TXNRD1: variants seen among roughly 807,000 people sequenced by gnomAD.
TXNRD1 encodes the protein thioredoxin reductase 1.
TXNRD1 carries 57 observed loss-of-function variants against 80.3 expected under a neutral mutation model. The observed-to-expected ratio is 0.71, with a 90% CI of 0.57 to 0.89. The LOEUF is 0.89. Among genes scored for constraint, TXNRD1 ranks in the 40% least tolerant of loss-of-function variants. The probability of loss-of-function intolerance (pLI) is 0.00; values close to 1 mark genes in which losing one functional copy is unlikely to be tolerated. For synonymous variants in TXNRD1, 291 were observed against 285.2 expected, an observed-to-expected ratio of 1.02 and a Z score of -0.20; for missense variants, 730 against 803.0, an observed-to-expected ratio of 0.91 and a Z score of 1.10.
chr12:104,259,555 G>A (rs1372656266), intron 3 of TXNRD1, among the ~76,000 whole-genome samples: 1 of 147,252 alleles, frequency 6.8e-6, no homozygotes, highest in African/African-American at 2.5e-5. Context: ...GCAATGGTGC[G>A]ATCTCAGCTC....
Position 104,348,149 on chromosome 12 carries a change from T to G in TXNRD1, c.1882-204T>G, listed in dbSNP as rs184237213. On this transcript the variant is annotated intron_variant, in intron 16 of 16. Transcript: ENST00000525566. The stretch of plus-strand genomic sequence containing the variant: ...CAGTAGATATAACCTAAATTTTTTT[T>G]CTCTTTCATCTTGGTTTTAAAATGT... 1.9e-3 allele frequency among the ~76,000 whole-genome samples: 293 copies of G among 152,328 alleles called. 1 individual carries two copies. In the Middle Eastern group the frequency reaches 0.027, roughly 14 times the overall value.
At chr12:104,236,108 C>T (rs534400315) in intron 1 of TXNRD1, among the ~76,000 whole-genome samples, 1 of 152,248 alleles carries the variant, frequency 6.6e-6, no homozygotes, top group African/African-American at 2.4e-5. Context: ...TGGTCTGTTC[C>T]CAGGCAAGAG....
intron 4 of TXNRD1, chr12:104,291,112 G>A (rs1263697666): frequency 1.6e-6 from 1 of 635,666 alleles, no homozygotes; most frequent in Non-Finnish European, 2.8e-6. Flanking sequence ...GAGGTATAGT[G>A]CCATGAATGA....
At chr12:104,294,340 C>T (rs2034362094) in intron 4 of TXNRD1, among the ~76,000 whole-genome samples, 1 of 151,386 alleles carries the variant, frequency 6.6e-6, no homozygotes, top group Non-Finnish European at 1.5e-5. Flanking sequence ...GGGCGTCTTC[C>T]CAGATGCTGG....
intron 1 of TXNRD1, among the ~76,000 whole-genome samples, chr12:104,217,871 A>T (rs957764413): frequency 6.6e-6 from 1 of 152,056 alleles, no homozygotes; most frequent in Admixed American, 6.6e-5. Context: ...TTCACTTAGC[A>T]TACTTGTCTT....
At chr12:104,248,972 G>A (rs567135413) in intron 1 of TXNRD1, among the ~76,000 whole-genome samples, 1 of 152,090 alleles carries the variant, frequency 6.6e-6, no homozygotes. Flanking sequence ...ATGAGCCACC[G>A]CCCCGGGCCC....
At chr12:104,306,916 T>G (rs1369211464) in intron 4 of TXNRD1, among the ~76,000 whole-genome samples, 1 of 152,224 alleles carries the variant, frequency 6.6e-6, no homozygotes, top group African/African-American at 2.4e-5. Context: ...TTACTGACAT[T>G]CAGTTGCTCT....
intron 1 of TXNRD1, among the ~76,000 whole-genome samples, chr12:104,224,539 C>G (rs1291784468): frequency 6.6e-6 from 1 of 152,052 alleles, no homozygotes; most frequent in African/African-American, 2.4e-5. Context: ...CAGGTGGCCA[C>G]CACACCCAGC....
intron 3 of TXNRD1, among the ~76,000 whole-genome samples, chr12:104,273,759 A>G (rs1352262107): frequency 6.6e-6 from 1 of 152,254 alleles, no homozygotes; most frequent in African/African-American, 2.4e-5. Context: ...TGGTGAAGAA[A>G]GAGGAAGAGG....
chr12:104,304,135 C>T (rs759092387), intron 4 of TXNRD1: 12 of 1,614,062 alleles, frequency 7.4e-6, no homozygotes, highest in Admixed American at 1.7e-5. Flanking sequence ...ACTCCTTAAC[C>T]GAGGCTCTGG....
chr12:104,316,009 TG>T, intron 7 of TXNRD1, 113 bp downstream of exon 7: 2 of 1,228,180 alleles, frequency 1.6e-6, no homozygotes, highest in Non-Finnish European at 2.2e-6. Flanking sequence ...TTGTTTTTAT[TG>T]TTTACATTTT....
In TXNRD1 at chr12:104,246,823, A is replaced by T. The variant is rs566745907; in HGVS notation, c.92-4704A>T. On this transcript the variant is annotated intron_variant, in intron 1 of 16. Transcript: ENST00000525566. ...GGTGTGAGCCACTGTACCCGGCCAC[A>T]TGATGGCTTTTTAAAAATCATAAAT... Among the ~76,000 whole-genome samples, 29 of 151,898 alleles carry T rather than the reference A, an allele frequency of 1.9e-4. No homozygotes were observed. The South Asian group carries it at 5.8e-3, about 31-fold the overall frequency.
chr12:104,267,496 G>A (rs1393744619), intron 3 of TXNRD1, among the ~76,000 whole-genome samples: 1 of 151,442 alleles, frequency 6.6e-6, no homozygotes, highest in African/African-American at 2.4e-5. Context: ...TGCCCAGCCT[G>A]CCTTACTTCT....
intron 16 of TXNRD1, among the ~76,000 whole-genome samples, chr12:104,341,063 C>T (rs952832209): frequency 4.6e-5 from 7 of 152,108 alleles, no homozygotes; most frequent in African/African-American, 7.2e-5. Context: ...CCAGCAGCAG[C>T]GTACATGGCA....
In TXNRD1 at chr12:104,311,423, T is replaced by TTGTGTTG; in HGVS notation, c.537+13_537+19dup. The TTGTGTTG allele has an allele frequency of 1.2e-6, 2 of 1,611,644 alleles. No individual in the cohort carries two copies. The highest frequency in any genetic ancestry group is 1.7e-6 in the Non-Finnish European group (2 of 1,178,616). On this transcript the variant is annotated intron_variant, in intron 5 of 16. Coordinates refer to ENST00000525566, the MANE Select transcript of TXNRD1 (RefSeq NM_001093771.3). ...CTGGCAGCTGCTAAGGCAAGGCTCC[T>TTGTGTTG]TGTGTTGTCTGTTGTCTGTTGTCTG...
chr12:104,299,767 C>CAA (rs35918319), intron 4 of TXNRD1, among the ~76,000 whole-genome samples: 300 of 104,704 alleles, frequency 2.9e-3, no homozygotes, highest in African/African-American at 4.3e-3. Context: ...GACTCCGTCT[C>CAA]AAAAAAAAAA....
At chr12:104,328,622 G>A (rs2035848671) in intron 13 of TXNRD1, among the ~76,000 whole-genome samples, 1 of 152,026 alleles carries the variant, frequency 6.6e-6, no homozygotes, top group African/African-American at 2.4e-5. Context: ...CGGCCGTGGT[G>A]GTGGCGGGCG....
chr12:104,314,107 G>A (rs969286963), intron 6 of TXNRD1, among the ~76,000 whole-genome samples: 1 of 152,192 alleles, frequency 6.6e-6, no homozygotes, highest in Admixed American at 6.5e-5. Context: ...GTTGTGGCAT[G>A]GATAATGGGA....
intron 8 of TXNRD1, 100 bp downstream of exon 8, chr12:104,319,155 C>T (rs2035439439): frequency 3.0e-6 from 4 of 1,336,550 alleles, no homozygotes; most frequent in Non-Finnish European, 4.0e-6. Context: ...AAGTAATAGC[C>T]ACTGTGACCC....
Sources: allele counts gnomAD v4.1 joint callset (sites outside exome capture counted in the v4.1 genomes callset), GRCh38; gene constraint gnomAD v4.1.1; transcripts MANE v1.5; gene names NCBI Gene and HGNC (gene_info 2026-07-23, HGNC 2026-07-21).